The following MOXD1 variants were observed in gnomAD, a reference collection of about 807,000 sequenced individuals.
MOXD1 encodes the protein DBH-like monooxygenase protein 1.
A neutral mutation model predicts 66.6 loss-of-function variants in MOXD1; 62 were observed. The ratio of observed to expected loss-of-function variants is 0.93; its 90% CI spans 0.76 to 1.15. MOXD1 has a LOEUF of 1.15. Among genes scored for constraint, MOXD1 ranks in the 50% most tolerant of loss-of-function variants. The pLI is 0.00. For synonymous variants in MOXD1, 303 were observed against 281.9 expected (o/e 1.07, Z -0.75); for missense variants, 847 against 754.6 (o/e 1.12, Z -1.44).
chr6:132,401,076 C>A, intron 1 of MOXD1, 87 bp downstream of exon 1: 1 of 1,367,770 alleles, frequency 7.3e-7, no homozygotes, highest in Admixed American at 3.5e-5. Context: ...AGCTGCGGGC[C>A]CCGGGGACGA....
At position 132,327,867 on chromosome 6, in the gene MOXD1, T is replaced by G. The variant is rs552485478; in HGVS notation, c.946+146A>C. 7 of 613,698 alleles carry G rather than the reference T, an allele frequency of 1.1e-5. No individual in the cohort carries two copies. The African/African-American group carries it at 1.3e-4, about 12-fold the overall frequency. 38.0% of individuals were successfully genotyped at this position (613,698 alleles called of 1,614,324 possible). On this transcript the variant is annotated intron_variant, in intron 6 of 11. Coordinates refer to ENST00000367963, the MANE Select transcript of MOXD1 (RefSeq NM_015529.4). ...TTATAAATAGTACCCACTTTCACTT[T>G]AAAAAGTATCCTAATTTGAATGACA...
intron 10 of MOXD1, among the ~76,000 whole-genome samples, chr6:132,303,687 G>T (rs1774598616): frequency 7.4e-6 from 1 of 135,802 alleles, no homozygotes; most frequent in South Asian, 2.4e-4. Flanking sequence ...ATCTGGGAAA[G>T]CAGAGGGCTG....
chr6:132,351,282 G>A (rs2876176), intron 4 of MOXD1, among the ~76,000 whole-genome samples: 10,271 of 152,036 alleles, frequency 0.068, 703 homozygotes, highest in African/African-American at 0.18. Flanking sequence ...TGGGTTTGTC[G>A]TAGATGGCTT....
chr6:132,324,820 G>A (rs894219566), intron 6 of MOXD1, among the ~76,000 whole-genome samples: 1 of 152,066 alleles, frequency 6.6e-6, no homozygotes, highest in Non-Finnish European at 1.5e-5. Context: ...CTAACAGATT[G>A]ATTCCTTCCC....
chr6:132,349,410 T>TATATATATAC (rs1562289904), intron 4 of MOXD1, among the ~76,000 whole-genome samples: 2 of 82,672 alleles, frequency 2.4e-5, no homozygotes, highest in African/African-American at 7.4e-5. Flanking sequence ...TATATACATA[T>TATATATATAC]ATATATATAT....
chr6:132,369,080 T>C (rs1776209378), intron 4 of MOXD1, among the ~76,000 whole-genome samples: 1 of 152,094 alleles, frequency 6.6e-6, no homozygotes, highest in African/African-American at 2.4e-5. Flanking sequence ...AATCCCTACA[T>C]AATGAGATGG....
intron 10 of MOXD1, among the ~76,000 whole-genome samples, chr6:132,303,874 T>TATAC (rs1369015379): frequency 7.5e-4 from 35 of 46,396 alleles, no homozygotes; most frequent in Non-Finnish European, 8.3e-4. Flanking sequence ...TATATATATA[T>TATAC]ATATACATAT....
intron 10 of MOXD1, among the ~76,000 whole-genome samples, chr6:132,311,418 A>G (rs1370402783): frequency 1.3e-5 from 2 of 151,468 alleles, no homozygotes; most frequent in African/African-American, 4.8e-5. Context: ...TAATAATTAT[A>G]ATATAAATAA....
chr6:132,358,931 C>T (rs1176436129), intron 4 of MOXD1, among the ~76,000 whole-genome samples: 3 of 152,032 alleles, frequency 2.0e-5, no homozygotes, highest in Non-Finnish European at 2.9e-5. Context: ...ATGAGACAAA[C>T]CTTTTCTATA....
chr6:132,370,833 C>T (rs544643697), intron 4 of MOXD1, among the ~76,000 whole-genome samples: 35 of 152,152 alleles, frequency 2.3e-4, no homozygotes, highest in South Asian at 1.0e-3. Flanking sequence ...TTACTTGATA[C>T]GCTTCTTATA....
intron 4 of MOXD1, among the ~76,000 whole-genome samples, chr6:132,355,310 C>A (rs1175714558): frequency 8.5e-5 from 13 of 152,160 alleles, no homozygotes; most frequent in Admixed American, 8.5e-4. Flanking sequence ...ACCCAGTGAG[C>A]TCCCAGGTCC....
intron 9 of MOXD1, among the ~76,000 whole-genome samples, chr6:132,318,034 A>T (rs1774996189): frequency 6.6e-6 from 1 of 152,120 alleles, no homozygotes; most frequent in Admixed American, 6.6e-5. Flanking sequence ...GGCAGCTTTC[A>T]TTCATTAATT....
chr6:132,311,702 A>G (rs76489410), intron 10 of MOXD1, among the ~76,000 whole-genome samples: 9,042 of 149,268 alleles, frequency 0.061, 327 homozygotes, highest in African/African-American at 0.081. Flanking sequence ...ATGGTTTTTC[A>G]AAAATAGTGC....
At chr6:132,314,948 C>A (rs953106400) in intron 10 of MOXD1, among the ~76,000 whole-genome samples, 9 of 152,150 alleles carry the variant, frequency 5.9e-5, no homozygotes, top group African/African-American at 2.2e-4. Context: ...ATAATAGGCC[C>A]ACCTCAGAAA....
intron 1 of MOXD1, among the ~76,000 whole-genome samples, chr6:132,389,735 C>T (rs1330562326): frequency 6.6e-6 from 1 of 151,436 alleles, no homozygotes; most frequent in Non-Finnish European, 1.5e-5. Context: ...TCTGCCATAG[C>T]ATGAACTCAT....
At chr6:132,309,249 A>G (rs968218324) in intron 10 of MOXD1, among the ~76,000 whole-genome samples, 1 of 152,222 alleles carries the variant, frequency 6.6e-6, no homozygotes, top group Non-Finnish European at 1.5e-5. Context: ...GAGCCAAATC[A>G]TGAATGAACT....
chr6:132,349,432 TATACATATATA>T lies in MOXD1; in HGVS notation c.664-20849_664-20839del, dbSNP rs1562289981. On this transcript the variant is annotated intron_variant, in intron 4 of 11. Transcript: ENST00000367963. The stretch of plus-strand genomic sequence containing the variant: ...ATATATATATATATACATATATATA[TATACATATATA>T]TATATATACATATATATATATACAT... 2.3e-4 allele frequency among the ~76,000 whole-genome samples: 6 copies of T among 25,860 alleles called. 2 individuals are homozygous for T. Among genetic ancestry groups the T allele is most frequent in the African/African-American group, 1.0e-3 (4 of 3,840 alleles). 17.0% of individuals were successfully genotyped at this position (25,860 alleles called of 152,430 possible).
At chr6:132,307,392 A>T (rs1351813289) in intron 10 of MOXD1, among the ~76,000 whole-genome samples, 1 of 152,234 alleles carries the variant, frequency 6.6e-6, no homozygotes, top group Non-Finnish European at 1.5e-5. Context: ...ACCTACAAAG[A>T]GACTTAGACT....
intron 4 of MOXD1, among the ~76,000 whole-genome samples, chr6:132,372,090 A>T (rs1236895013): frequency 6.6e-6 from 1 of 152,204 alleles, no homozygotes; most frequent in African/African-American, 2.4e-5. Flanking sequence ...TGTATTGCAC[A>T]GGCAAATTGG....
Sources: allele counts gnomAD v4.1 joint callset (sites outside exome capture counted in the v4.1 genomes callset), GRCh38; gene constraint gnomAD v4.1.1; transcripts MANE v1.5; gene names NCBI Gene and HGNC (gene_info 2026-07-23, HGNC 2026-07-21).